ATF7IP: variants seen among roughly 807,000 people sequenced by gnomAD.
The protein encoded by ATF7IP is activating transcription factor 7-interacting protein 1.
ATF7IP carries 23 observed loss-of-function variants against 106.4 expected under a neutral mutation model. The ratio of observed to expected loss-of-function variants is 0.22; its 90% CI spans 0.16 to 0.31. The LOEUF is 0.31. ATF7IP is among the 10% of genes least tolerant of loss of function. The pLI is 1.00. For missense variants in ATF7IP, 1,334 were observed against 1,524.3 expected, an observed-to-expected ratio of 0.88 and a Z score of 2.08; for synonymous variants, 542 against 539.0, an observed-to-expected ratio of 1.01 and a Z score of -0.08.
intron 13 of ATF7IP, among the ~76,000 whole-genome samples, chr12:14,491,546 A>G (rs1376374374): frequency 6.6e-6 from 1 of 152,206 alleles, no homozygotes; most frequent in East Asian, 1.9e-4. Flanking sequence ...CATCAACGTA[A>G]TGGAGCAGTG....
intron 1 of ATF7IP, among the ~76,000 whole-genome samples, chr12:14,376,882 C>T (rs1204739615): frequency 2.0e-5 from 3 of 151,294 alleles, no homozygotes; most frequent in African/African-American, 7.3e-5. Context: ...GCCAAGATTG[C>T]GCCACTACAC....
intron 1 of ATF7IP, among the ~76,000 whole-genome samples, chr12:14,400,674 C>T (rs1391192860): frequency 6.6e-6 from 1 of 151,936 alleles, no homozygotes; most frequent in Non-Finnish European, 1.5e-5. Context: ...CATGTTGATA[C>T]ATTGTTAGAT....
At chr12:14,431,231 G>A (rs1188242456) in intron 2 of ATF7IP, among the ~76,000 whole-genome samples, 1 of 152,048 alleles carries the variant, frequency 6.6e-6, no homozygotes, top group Admixed American at 6.5e-5. Flanking sequence ...ATGAGATCTG[G>A]TATCTGCCCT....
chr12:14,443,547 C>G (rs1025523934), intron 5 of ATF7IP, among the ~76,000 whole-genome samples: 1 of 152,116 alleles, frequency 6.6e-6, no homozygotes, highest in African/African-American at 2.4e-5. Context: ...ATTCACTGGT[C>G]ATTCATGGAA....
At chr12:14,370,974 T>G (rs1024015923) in intron 1 of ATF7IP, among the ~76,000 whole-genome samples, 5 of 151,914 alleles carry the variant, frequency 3.3e-5, no homozygotes, top group African/African-American at 1.2e-4. Context: ...AGGCTTAATC[T>G]CATAATAAAG....
At chr12:14,426,529 CTTT>C (rs200611526) in intron 2 of ATF7IP, among the ~76,000 whole-genome samples, 2 of 131,764 alleles carry the variant, frequency 1.5e-5, no homozygotes, top group African/African-American at 2.8e-5. Context: ...TAAAAAATGG[CTTT>C]TTTTTTTTTT....
intron 1 of ATF7IP, among the ~76,000 whole-genome samples, chr12:14,410,851 A>G (rs1037969346): frequency 6.6e-6 from 1 of 152,128 alleles, no homozygotes; most frequent in African/African-American, 2.4e-5. Context: ...TTCTATGGAT[A>G]AGGGGGAATA....
In ATF7IP at chr12:14,494,333, A is replaced by ATGTGTG. The variant is rs1210425478; in HGVS notation, c.3281-1892_3281-1887dup. On this transcript the variant is annotated intron_variant, in intron 13 of 14. Coordinates refer to ENST00000261168, the MANE Select transcript of ATF7IP (RefSeq NM_018179.5). ...TATATATATATATATATATATATAT[A>ATGTGTG]TGTGTGTGTGTATATGTATATATAC... 6.1e-3 allele frequency among the ~76,000 whole-genome samples: 521 copies of ATGTGTG among 85,868 alleles called. 28 individuals are homozygous for ATGTGTG. Among genetic ancestry groups the ATGTGTG allele is most frequent in the East Asian group, 0.015 (38 of 2,462 alleles). The allele number at this position is 85,868 out of a possible 152,430, so 56.3% of individuals were successfully genotyped here.
chr12:14,410,743 A>G (rs1316883146), intron 1 of ATF7IP, among the ~76,000 whole-genome samples: 7 of 148,168 alleles, frequency 4.7e-5, no homozygotes, highest in Admixed American at 1.3e-4. Flanking sequence ...TTTATAAGTT[A>G]AATGTATGTA....
At chr12:14,431,519 C>T (rs1383129749) in intron 2 of ATF7IP, among the ~76,000 whole-genome samples, 2 of 151,860 alleles carry the variant, frequency 1.3e-5, no homozygotes, top group Non-Finnish European at 2.9e-5. Flanking sequence ...CTCAGCCTCC[C>T]GAGTAGCTGG....
In ATF7IP at chr12:14,441,069, T is replaced by C. The variant is rs192141527; in HGVS notation, c.1929+2802T>C. Reference sequence around the variant, plus strand: ...ATACAAGTGTTTGTTTGAATACTTGTTTTCAAATCTTTTAGGAATATACCT... The same window carrying C: ...ATACAAGTGTTTGTTTGAATACTTGCTTTCAAATCTTTTAGGAATATACCT... On this transcript the variant is annotated intron_variant, in intron 5 of 14. Transcript: ENST00000261168. Among the ~76,000 whole-genome samples, 106 of 152,338 alleles carry C rather than the reference T, an allele frequency of 7.0e-4. 2 individuals carry two copies. Among genetic ancestry groups the C allele is most frequent in the African/African-American group, 2.5e-3 (105 of 41,578 alleles).
At chr12:14,493,010 G>C (rs1284359678) in intron 13 of ATF7IP, among the ~76,000 whole-genome samples, 1 of 152,136 alleles carries the variant, frequency 6.6e-6, no homozygotes, top group Non-Finnish European at 1.5e-5. Context: ...AATCTCCTTA[G>C]TCTTTGGATC....
At chr12:14,455,528 AAT>A (rs1943391277) in intron 6 of ATF7IP, among the ~76,000 whole-genome samples, 1 of 152,138 alleles carries the variant, frequency 6.6e-6, no homozygotes, top group Non-Finnish European at 1.5e-5. Flanking sequence ...CCTTTGGTTT[AAT>A]ATGTTATTCT....
At chr12:14,487,970 A>C (rs1009596840) in intron 13 of ATF7IP, among the ~76,000 whole-genome samples, 22 of 152,156 alleles carry the variant, frequency 1.4e-4, no homozygotes, top group African/African-American at 5.3e-4. Context: ...TATTTTGCAT[A>C]ACTCTCTAAA....
chr12:14,398,794 C>T (rs1466288914), intron 1 of ATF7IP, among the ~76,000 whole-genome samples: 3 of 151,540 alleles, frequency 2.0e-5, no homozygotes, highest in Non-Finnish European at 4.4e-5. Context: ...TTTTATATGT[C>T]ATATATAGGT....
chr12:14,411,961 A>G (rs781553008), intron 1 of ATF7IP, among the ~76,000 whole-genome samples: 3 of 152,140 alleles, frequency 2.0e-5, no homozygotes, highest in Non-Finnish European at 2.9e-5. Context: ...TAATTTTTGT[A>G]TAAGGCAAGA....
At chr12:14,486,629 C>T (rs555259587) in intron 13 of ATF7IP, among the ~76,000 whole-genome samples, 25 of 152,232 alleles carry the variant, frequency 1.6e-4, no homozygotes, top group Admixed American at 5.9e-4. Flanking sequence ...TCAGTTTCAT[C>T]TCTAGGAACA....
chr12:14,386,392 T>G (rs980152734), intron 1 of ATF7IP, among the ~76,000 whole-genome samples: 1 of 149,448 alleles, frequency 6.7e-6, no homozygotes, highest in Non-Finnish European at 1.5e-5. Flanking sequence ...TTGCAGTACC[T>G]GTTAAAATAT....
chr12:14,419,115 G>T (rs2136529240), intron 1 of ATF7IP: 1 of 152,192 alleles, frequency 6.6e-6, no homozygotes, highest in African/African-American at 2.4e-5. Flanking sequence ...TACATTCCAA[G>T]TGCTTAATGT....
Sources: gnomAD v4.1 joint callset for allele counts (sites outside exome capture counted in the v4.1 genomes callset) on GRCh38, gnomAD v4.1.1 for gene constraint, MANE v1.5 for transcripts, NCBI Gene and HGNC (gene_info 2026-07-23, HGNC 2026-07-21) for gene names.